Variants in SYNE1 observed in about 807,000 individuals in gnomAD.
The protein encoded by SYNE1 is nesprin-1.
A neutral mutation model predicts 1,111.0 loss-of-function variants in SYNE1; 616 were observed. The ratio of observed to expected loss-of-function variants is 0.55; its 90% CI spans 0.52 to 0.59. SYNE1 has a LOEUF of 0.59. Among genes scored for constraint, SYNE1 ranks in the 20% least tolerant of loss-of-function variants. The probability of loss-of-function intolerance (pLI) is 0.00; values close to 1 mark genes in which losing one functional copy is unlikely to be tolerated. For synonymous variants in SYNE1, 3,855 were observed against 3,825.8 expected (o/e 1.01, Z -0.28); for missense variants, 10,006 against 10,417.0 (o/e 0.96, Z 1.72).
chr6:152,442,390 CG>C, intron 30 of SYNE1, 145 bp from the exon 31 acceptor site: 2 of 855,730 alleles, frequency 2.3e-6, no homozygotes, highest in South Asian at 1.4e-5. Flanking sequence ...AAATGGTAGT[CG>C]GTTGCTATAT....
At chr6:152,249,960 G>T (rs1448947154) in intron 104 of SYNE1, among the ~76,000 whole-genome samples, 1 of 152,048 alleles carries the variant, frequency 6.6e-6, no homozygotes, top group Non-Finnish European at 1.5e-5. Flanking sequence ...TAAATTAGAA[G>T]AATATTTAAA....
Position 152,269,060 on chromosome 6 carries a change from A to C in SYNE1, c.18705+95T>G, listed in dbSNP as rs1198668626. 8 of 1,578,564 alleles carry C rather than the reference A, an allele frequency of 5.1e-6. No homozygotes were observed. In the African/African-American group the frequency reaches 8.1e-5, roughly 16 times the overall value. The stretch of plus-strand genomic sequence containing the variant: ...GAAGATAAAGAGACACTCTGTCTTT[A>C]GTACAGAAGCAACTTGTCTGTCCTT... On this transcript the variant is annotated intron_variant, in intron 99 of 145. Coordinates refer to ENST00000367255, the MANE Select transcript of SYNE1 (RefSeq NM_182961.4).
intron 78 of SYNE1, among the ~76,000 whole-genome samples, chr6:152,328,239 A>G (rs2096134848): frequency 6.6e-6 from 1 of 152,160 alleles, no homozygotes; most frequent in South Asian, 2.1e-4. Flanking sequence ...CTGCTGTATT[A>G]TCCTGACGAA....
chr6:152,231,124 A>C (rs1398931019), intron 114 of SYNE1, among the ~76,000 whole-genome samples: 3 of 152,264 alleles, frequency 2.0e-5, no homozygotes, highest in African/African-American at 4.8e-5. Context: ...AGAAAGGACT[A>C]AAGTCAACTT....
intron 126 of SYNE1, among the ~76,000 whole-genome samples, chr6:152,204,757 T>C (rs1187428893): frequency 6.6e-6 from 1 of 152,212 alleles, no homozygotes; most frequent in African/African-American, 2.4e-5. Flanking sequence ...AATAACTTAA[T>C]GTCATGAGCC....
intron 3 of SYNE1, among the ~76,000 whole-genome samples, chr6:152,622,042 CATTT>C (rs1186457193): frequency 6.6e-6 from 1 of 152,036 alleles, no homozygotes; most frequent in Non-Finnish European, 1.5e-5. Flanking sequence ...ATAATTTATT[CATTT>C]ATTTATCAAA....
chr6:152,527,731 T>C (rs528011967), intron 4 of SYNE1, among the ~76,000 whole-genome samples: 2 of 152,256 alleles, frequency 1.3e-5, no homozygotes, highest in East Asian at 1.9e-4. Context: ...GTTATAAATA[T>C]GCAAAAAGTA....
At chr6:152,596,266 G>GGT (rs2099581243) in intron 3 of SYNE1, among the ~76,000 whole-genome samples, 8 of 118,756 alleles carry the variant, frequency 6.7e-5, no homozygotes, top group African/African-American at 2.8e-4. Context: ...TTTTTTGTTT[G>GGT]TTTGTTTTTT....
chr6:152,524,712 C>T (rs1355131306), intron 5 of SYNE1, among the ~76,000 whole-genome samples: 1 of 151,816 alleles, frequency 6.6e-6, no homozygotes, highest in Admixed American at 6.6e-5. Context: ...GTGTGGAGAG[C>T]GAGATGGGGA....
chr6:152,162,590 T>A (rs538632416), intron 131 of SYNE1, among the ~76,000 whole-genome samples: 1 of 152,300 alleles, frequency 6.6e-6, no homozygotes, highest in African/African-American at 2.4e-5. Flanking sequence ...CCAACCAGGA[T>A]CCCTACAATT....
intron 8 of SYNE1, among the ~76,000 whole-genome samples, chr6:152,509,696 T>C (rs1285923309): frequency 2.0e-5 from 3 of 151,742 alleles, no homozygotes; most frequent in Non-Finnish European, 4.4e-5. Flanking sequence ...ACACTCTAGA[T>C]AAAAAATGAG....
intron 3 of SYNE1, among the ~76,000 whole-genome samples, chr6:152,601,877 A>T (rs2099597042): frequency 6.6e-6 from 1 of 152,164 alleles, no homozygotes; most frequent in African/African-American, 2.4e-5. Context: ...GTGTGTAAAA[A>T]GTGACACCTG....
chr6:152,311,539 T>C (rs923463307), intron 87 of SYNE1, among the ~76,000 whole-genome samples: 1 of 152,160 alleles, frequency 6.6e-6, no homozygotes, highest in South Asian at 2.1e-4. Context: ...TGTGAAGAGA[T>C]GACTGCAACT....
intron 56 of SYNE1, among the ~76,000 whole-genome samples, chr6:152,378,391 C>G (rs185987089): frequency 6.6e-6 from 1 of 152,118 alleles, no homozygotes; most frequent in African/African-American, 2.4e-5. Flanking sequence ...CACTGTCCCC[C>G]GCTGATGTCA....
intron 11 of SYNE1, among the ~76,000 whole-genome samples, chr6:152,492,478 C>T (rs938493788): frequency 2.0e-5 from 3 of 152,224 alleles, no homozygotes; most frequent in African/African-American, 7.2e-5. Flanking sequence ...CCCCCAGGAT[C>T]TTGCTTCAAG....
intron 62 of SYNE1, among the ~76,000 whole-genome samples, chr6:152,365,395 G>A (rs2097053787): frequency 6.6e-6 from 1 of 152,142 alleles, no homozygotes; most frequent in Non-Finnish European, 1.5e-5. Flanking sequence ...AAAACCCATA[G>A]AAATAGATTA....
In SYNE1 at chr6:152,520,556, G is replaced by T; in HGVS notation, c.226-14C>A. The T allele has an allele frequency of 6.2e-7, 1 of 1,612,656 alleles. No homozygotes were observed. The highest frequency in any genetic ancestry group is 8.5e-7 in the Non-Finnish European group (1 of 1,179,194). ...TTGTTCACAAGGCTGTAAAAAGTGG[G>T]GTAAAAAAGGGAATGAGACAAAATC... On this transcript the variant is annotated splice_polypyrimidine_tract_variant and intron_variant, in intron 5 of 145. Coordinates refer to ENST00000367255, the MANE Select transcript of SYNE1 (RefSeq NM_182961.4).
At chr6:152,555,514 T>A (rs1478477731) in intron 3 of SYNE1, among the ~76,000 whole-genome samples, 1 of 152,176 alleles carries the variant, frequency 6.6e-6, no homozygotes, top group Non-Finnish European at 1.5e-5. Flanking sequence ...GTAAGTACCC[T>A]CTATGATGTA....
In SYNE1 at chr6:152,255,707, T is replaced by G. The variant is rs764940217; in HGVS notation, c.19144A>C (p.Lys6382Gln). 15 of 1,614,188 alleles carry G rather than the reference T, an allele frequency of 9.3e-6. No homozygotes were observed. Among genetic ancestry groups the G allele is most frequent in the Non-Finnish European group, 1.3e-5 (15 of 1,180,048 alleles). ...GTGGCTGAGACTCCATCATACAACT[T>G]CTGCTCCAAGTGTATACTCTGCCTC... ...AKRQSIHLEQ[K>Q]LYDGVSATST... is the part of the protein sequence containing the mutation. The change falls in exon 103 of 146, where the codon AAG (lysine) becomes CAG (glutamine). Residue 6382 changes from lysine to glutamine, a missense_variant. This residue lies in a region of SYNE1 where 2,182 missense variants were observed against 2,287.8 expected (regional missense o/e 0.95). Coordinates refer to ENST00000367255, the MANE Select transcript of SYNE1 (RefSeq NM_182961.4).
Sources: allele counts gnomAD v4.1 joint callset (sites outside exome capture counted in the v4.1 genomes callset), GRCh38; gene constraint gnomAD v4.1.1; regional missense constraint gnomAD v4.1.1; transcripts MANE v1.5; gene names NCBI Gene and HGNC (gene_info 2026-07-23, HGNC 2026-07-21).